MATN4: variants seen among roughly 807,000 people sequenced by gnomAD.
The protein encoded by MATN4 is matrilin 4, also known as matrilin-4.
Under a neutral mutation model 54.6 loss-of-function variants are expected in MATN4, and 40 were observed. The observed-to-expected ratio is 0.73, with a 90% confidence interval of 0.57 to 0.95. MATN4 has a LOEUF of 0.95. Among genes scored for constraint, MATN4 ranks in the 40% least tolerant of loss-of-function variants. The pLI, the probability that MATN4 is intolerant of heterozygous loss-of-function variation, is 0.00. For synonymous variants in MATN4, 351 were observed against 345.3 expected (o/e 1.02, Z -0.18); for missense variants, 810 against 819.1 (o/e 0.99, Z 0.13).
rs1038121784 is a variant in MATN4 at position 45,297,952 on chromosome 20, G to A, written c.1545C>T (p.His515=). Residue 515 remains histidine, a synonymous_variant, in exon 8 of 10, where the codon CAC becomes CAT. Transcript: ENST00000372756. ...SYAPDFGTMT[H]LLENLRGSIC... ...TGCTGCCTCTGAGGTTCTCCAGCAGGTGCGTCATGGTGCCGAAGTCCGGGG... is the reference window on the plus strand; with the variant it reads ...TGCTGCCTCTGAGGTTCTCCAGCAGATGCGTCATGGTGCCGAAGTCCGGGG... 2 of 1,614,218 alleles carry A rather than the reference G, an allele frequency of 1.2e-6. No homozygotes were observed. Among genetic ancestry groups the A allele is most frequent in the African/African-American group, 1.3e-5 (1 of 75,058 alleles).
chr20:45,304,104 T>G, intron 3 of MATN4, 124 bp downstream of exon 3: 1 of 788,432 alleles, frequency 1.3e-6, no homozygotes, highest in South Asian at 2.8e-5. Context: ...CTGCGGTAGG[T>G]CAGGGCAACT....
At chr20:45,305,817 T>TTTTTTTTTTTTTTTTTTTTTTTTTGTTTG in intron 1 of MATN4, among the ~76,000 whole-genome samples, 1 of 125,884 alleles carries the variant, frequency 7.9e-6, no homozygotes, top group South Asian at 2.9e-4. Context: ...TTTTTTTTTT[T>TTTTTTTTTTTTTTTTTTTTTTTTTGTTTG]TTTTTAGATA....
rs755669114 is a variant in MATN4, at chr20:45,298,410, C to T, written c.1186G>A (p.Glu396Lys). The change falls in exon 7 of 10, where the codon GAG becomes AAG. Residue 396 changes from glutamate to lysine, a missense_variant. Glu to Lys is a moderately conservative substitution (Grantham distance 56). Coordinates refer to ENST00000372756, the MANE Select transcript of MATN4 (RefSeq NM_001393530.1). This position sits in a 1 kb window ranked among gnomAD's most constrained non-coding sequence, Gnocchi z 4.6. ...LVQFSSRVRT[E>K]FPLGRYGTAA... ...GTGCCGTAGCGACCCAGAGGGAACT[C>T]GGTGCGCACGCGGCTCGAGAACTGC... 9.2e-5 allele frequency: 148 copies of T among 1,612,724 alleles called. No individual in the cohort carries two copies. Among genetic ancestry groups the T allele is most frequent in the Non-Finnish European group, 1.1e-4 (135 of 1,179,550 alleles).
intron 8 of MATN4, among the ~76,000 whole-genome samples, chr20:45,295,463 C>T (rs1399257257): frequency 1.3e-5 from 2 of 152,334 alleles, no homozygotes; most frequent in African/African-American, 4.8e-5. Flanking sequence ...TCTTGGCTCA[C>T]TGTAACCTCT....
Position 45,304,296 on chromosome 20 carries a change from T to A in MATN4, c.575A>T (p.His192Leu). 9 of 1,549,928 alleles carry A rather than the reference T, an allele frequency of 5.8e-6. No individual in the cohort carries two copies. The highest frequency in any genetic ancestry group is 7.8e-6 in the Non-Finnish European group (9 of 1,151,168). Residue 192 changes from histidine to leucine, a missense_variant, in exon 3 of 10, where the codon CAC (histidine) becomes CTC (leucine). His to Leu is a moderately conservative substitution (Grantham distance 99, BLOSUM62 -3). Coordinates refer to ENST00000372756, the MANE Select transcript of MATN4 (RefSeq NM_001393530.1). ...GTCGAAGGACTCTACGAGGAAGACG[T>A]GCTCGTCTAGCGGGGGCGATGCCAT... Reference protein sequence around the residue: ...RAMASPPLDEHVFLVESFDLI... With the variant: ...RAMASPPLDELVFLVESFDLI...
intron 8 of MATN4, among the ~76,000 whole-genome samples, chr20:45,294,281 T>A (rs1001038825): frequency 1.3e-5 from 2 of 152,228 alleles, no homozygotes; most frequent in African/African-American, 4.8e-5. Context: ...TGTGTGTGTG[T>A]GTGTGTGCTC....
intron 3 of MATN4, 69 bp downstream of exon 3, chr20:45,304,159 G>A: frequency 7.5e-7 from 1 of 1,336,048 alleles, no homozygotes; most frequent in Middle Eastern, 1.9e-4. Context: ...GGGATTTACT[G>A]TGGTGGGAAA....
At chr20:45,294,833 T>C (rs2743396) in intron 8 of MATN4, among the ~76,000 whole-genome samples, 79,393 of 152,020 alleles carry the variant, frequency 0.52, 21,784 homozygotes, top group African/African-American at 0.67. Flanking sequence ...TATTTATAGC[T>C]GCTCCTCATT....
At chr20:45,301,264 T>C in intron 4 of MATN4, 40 bp from the exon 5 acceptor site, 1 of 1,591,200 alleles carries the variant, frequency 6.3e-7, no homozygotes, top group Non-Finnish European at 8.6e-7. Context: ...TGCCTCTGAT[T>C]GGAGCCCTCG....
At chr20:45,296,406 A>G (rs907838867) in intron 8 of MATN4, among the ~76,000 whole-genome samples, 2 of 152,148 alleles carry the variant, frequency 1.3e-5, no homozygotes, top group Admixed American at 6.5e-5. Flanking sequence ...TCTTAGTCTT[A>G]TATGTACTAT....
In MATN4 at chr20:45,298,344, T is replaced by C; in HGVS notation, c.1252A>G (p.Met418Val). The change falls in exon 7 of 10, where the codon ATG becomes GTG. Residue 418 changes from methionine (M) to valine (V), a missense_variant. By Grantham distance (21) the Met-to-Val change is conservative (BLOSUM62 1). Transcript: ENST00000372756. This position sits in a 1 kb window ranked among gnomAD's most constrained non-coding sequence, Gnocchi z 4.6. ...AGCCCTGTCATGGTGCCGCGTTCCA[T>C]GTACTCCACGGCCAGGACCGCCTGC... ...VKQAVLAVEYMERGTMTGLAL... is the reference protein window; with the variant it reads ...VKQAVLAVEYVERGTMTGLAL... The C allele has an allele frequency of 6.2e-7, 1 of 1,613,414 alleles. No homozygotes were observed. Among genetic ancestry groups the C allele is most frequent in the Non-Finnish European group, 8.5e-7 (1 of 1,179,814 alleles).
At chr20:45,306,795 G>A (rs1166663240) in intron 1 of MATN4, 6 of 718,522 alleles carry the variant, frequency 8.4e-6, no homozygotes, top group Non-Finnish European at 1.2e-5. Flanking sequence ...GGGCCTTGGA[G>A]ATAAGGCCTG....
At chr20:45,303,262 T>A (rs1986358794) in intron 3 of MATN4, 3 of 607,656 alleles carry the variant, frequency 4.9e-6, no homozygotes, top group Non-Finnish European at 9.2e-6. Context: ...TTCTTAGGCC[T>A]GTAAAGTGAT....
Position 45,305,805 on chromosome 20 carries a change from C to T in MATN4, c.-34-189G>A, listed in dbSNP as rs371970513. On this transcript the variant is annotated intron_variant, in intron 1 of 9. Coordinates refer to ENST00000372756, the MANE Select transcript of MATN4 (RefSeq NM_001393530.1). ...GGATTGCTGGGAAACACAAGAGATT[C>T]TTTTTTTTTTTTTTTTTAGATAGAG... is the stretch of plus-strand genomic sequence containing the variant. Among the ~76,000 whole-genome samples the T allele has an allele frequency of 7.6e-3, 489 of 64,624 alleles. 6 individuals are homozygous for T. Among genetic ancestry groups the T allele is most frequent in the South Asian group, 0.012 (15 of 1,202 alleles). 42.4% of individuals were successfully genotyped at this position (64,624 alleles called of 152,430 possible). A position where few individuals can be genotyped will look rare whatever the true frequency, so the allele number is the denominator to read the frequency against.
chr20:45,295,141 C>A (rs1985730493), intron 8 of MATN4, among the ~76,000 whole-genome samples: 1 of 152,116 alleles, frequency 6.6e-6, no homozygotes, highest in Admixed American at 6.5e-5. Context: ...ATGTAATGTG[C>A]TTGAACCATC....
At position 45,303,109 on chromosome 20, in the gene MATN4, G is replaced by A. The variant is rs1273760807; in HGVS notation, c.643+1119C>T. 5.6e-4 allele frequency among the ~76,000 whole-genome samples: 77 copies of A among 136,460 alleles called. 1 individual carries two copies. Among genetic ancestry groups the A allele is most frequent in the African/African-American group, 1.9e-3 (73 of 38,324 alleles). 89.5% of individuals were successfully genotyped at this position (136,460 alleles called of 152,430 possible). A position where few individuals can be genotyped will look rare whatever the true frequency, so the allele number is the denominator to read the frequency against. On this transcript the variant is annotated intron_variant, in intron 3 of 9. Coordinates refer to ENST00000372756, the MANE Select transcript of MATN4 (RefSeq NM_001393530.1). ...AAAAAAAAAAAAAAAAAAAAAGAGAGAGAGAAAAGAAAAGAAGAAAACAGA... is the reference window on the plus strand; with the variant it reads ...AAAAAAAAAAAAAAAAAAAAAGAGAAAGAGAAAAGAAAAGAAGAAAACAGA...
chr20:45,293,890 A>T lies in MATN4; in HGVS notation c.1687+18T>A. 1 of 1,606,128 alleles carries T rather than the reference A, an allele frequency of 6.2e-7. No individual in the cohort carries two copies. The highest frequency in any genetic ancestry group is 8.5e-7 in the Non-Finnish European group (1 of 1,178,678). ...CTTCACTTTCCCTCCAGCCCGCGCC[A>T]CCAGCCCCAAAGGATATGGTTCAGC... On this transcript the variant is annotated intron_variant, in intron 9 of 9. Coordinates refer to ENST00000372756, the MANE Select transcript of MATN4 (RefSeq NM_001393530.1).
rs199947473 is a variant in MATN4, at chr20:45,308,219, C to T, written c.-79G>A. 9.4e-5 allele frequency: 151 copies of T among 1,613,996 alleles called. 1 individual carries two copies. In the East Asian group the frequency reaches 2.0e-3, roughly 21 times the overall value. Reference sequence around the variant, plus strand: ...CAGAGATGCAGCTGCAGAGCGAAGCCGACAGGCGGAGCCTCCCGGGCACTT... The same window carrying T: ...CAGAGATGCAGCTGCAGAGCGAAGCTGACAGGCGGAGCCTCCCGGGCACTT... On this transcript the variant is annotated 5_prime_UTR_variant, in exon 1 of 10. Transcript: ENST00000372756.
At chr20:45,305,399 A>C in intron 2 of MATN4, 111 bp downstream of exon 2, 1 of 772,474 alleles carries the variant, frequency 1.3e-6, no homozygotes, top group Non-Finnish European at 2.1e-6. Context: ...ACCCAGTCCC[A>C]TATGTTCCAA....
Sources: gnomAD v4.1 joint callset for allele counts (sites outside exome capture counted in the v4.1 genomes callset) on GRCh38, gnomAD v4.1.1 for gene constraint, Gnocchi (gnomAD v3.1) non-coding constraint, MANE v1.5 for transcripts, NCBI Gene and HGNC (gene_info 2026-07-23, HGNC 2026-07-21) for gene names.